The following FOXF2 variants were observed in gnomAD, a reference collection of about 807,000 sequenced individuals.
The protein encoded by FOXF2 is forkhead box protein F2.
FOXF2 carries 15 observed loss-of-function variants against 29.1 expected under a neutral mutation model. The ratio of observed to expected loss-of-function variants is 0.52; its 90% CI spans 0.35 to 0.79. FOXF2 has a LOEUF of 0.79. FOXF2 is among the 30% of genes least tolerant of loss of function. The pLI, the probability that FOXF2 is intolerant of heterozygous loss-of-function variation, is 0.01. For missense variants in FOXF2, 675 were observed against 667.1 expected (o/e 1.01, Z -0.13); for synonymous variants, 337 against 316.5 (o/e 1.06, Z -0.69).
rs771409817 is a variant in FOXF2 at position 1,390,253 on chromosome 6, C to G, written c.306C>G (p.Pro102=). ...GGCTGCGGCGGCCCGAGAAGCCGCCCTACTCGTACATCGCGCTCATCGTCA... is the reference window on the plus strand; with the variant it reads ...GGCTGCGGCGGCCCGAGAAGCCGCCGTACTCGTACATCGCGCTCATCGTCA... The part of the protein sequence containing the change: ...SSGLRRPEKP[P]YSYIALIVMA... Residue 102 remains proline, a synonymous_variant, in exon 1 of 2, where the codon CCC becomes CCG. Coordinates refer to ENST00000645481, the MANE Select transcript of FOXF2 (RefSeq NM_001452.2). This position sits in a 1 kb window ranked among gnomAD's most constrained non-coding sequence, Gnocchi z 8.5. 1 of 1,610,234 alleles carries G rather than the reference C, an allele frequency of 6.2e-7. No homozygotes were observed. Among genetic ancestry groups the G allele is most frequent in the Admixed American group, 1.7e-5 (1 of 59,902 alleles).
chr6:1,390,034 C>CCCGCCGCCCG lies in FOXF2; in HGVS notation c.96_105dup (p.Ala36ArgfsTer131). The CCCGCCGCCCG allele has an allele frequency of 7.4e-7, 1 of 1,353,602 alleles. No homozygotes were observed. The highest frequency in any genetic ancestry group is 9.5e-7 in the Non-Finnish European group (1 of 1,048,414). The allele number at this position is 1,353,602 out of a possible 1,614,324, so 83.8% of individuals were successfully genotyped here. A position where few individuals can be genotyped will look rare whatever the true frequency, so the allele number is the denominator to read the frequency against. Reference sequence around the variant, plus strand: ...GCGCGCTCCAGGCCGCCCTGATGAGCCCGCCGCCCGCCGCCGCCGCCGCCG... The same window carrying CCCGCCGCCCG: ...GCGCGCTCCAGGCCGCCCTGATGAGCCCGCCGCCCGCCGCCGCCCGCCGCCGCCGCCGCCG... On this transcript the variant is annotated frameshift_variant, in exon 1 of 2. Coordinates refer to ENST00000645481, the MANE Select transcript of FOXF2 (RefSeq NM_001452.2). LOFTEE classifies it high-confidence loss of function. The surrounding 1 kb of genome is among the most constrained non-coding windows in gnomAD (Gnocchi z 8.5).
rs1165545306 is a variant in FOXF2 at position 1,394,706 on chromosome 6, C to G, written c.1182C>G (p.Pro394=). The G allele has an allele frequency of 1.9e-6, 3 of 1,614,026 alleles. No homozygotes were observed. In the South Asian group the frequency reaches 3.3e-5, roughly 18 times the overall value. ...TCTTTCTTCTTTCAGTGGGACTGCC[C>G]CGTTACCAGCATCACTCTACTCCAG... The part of the protein sequence containing the change: ...NAREDLSVGL[P]RYQHHSTPVC... Residue 394 remains proline, a synonymous_variant, in exon 2 of 2, where the codon CCC becomes CCG. Coordinates refer to ENST00000645481, the MANE Select transcript of FOXF2 (RefSeq NM_001452.2).
In FOXF2 at chr6:1,390,878, G is replaced by A. The variant is rs1353528957; in HGVS notation, c.931G>A (p.Asp311Asn). Residue 311 changes from aspartate to asparagine, a missense_variant, in exon 1 of 2, where the codon GAC becomes AAC. Asp to Asn is a conservative substitution (Grantham distance 23). Transcript: ENST00000645481. The surrounding 1 kb of genome is among the most constrained non-coding windows in gnomAD (Gnocchi z 8.5). ...CGGCGGCGGCGGCGACTACGGGCCG[G>A]ACAGCAGCAGCAGCCCGGTACCCTC... ...GGGGGGDYGP[D>N]SSSSPVPSSP... The A allele has an allele frequency of 6.5e-7, 1 of 1,526,882 alleles. No homozygotes were observed. The highest frequency in any genetic ancestry group is 8.8e-7 in the Non-Finnish European group (1 of 1,142,664). 94.6% of individuals were successfully genotyped at this position (1,526,882 alleles called of 1,614,324 possible). A position where few individuals can be genotyped will look rare whatever the true frequency, so the allele number is the denominator to read the frequency against.
intron 1 of FOXF2, among the ~76,000 whole-genome samples, chr6:1,393,635 C>T (rs986763893): frequency 4.6e-5 from 7 of 152,058 alleles, no homozygotes; most frequent in Non-Finnish European, 1.0e-4. Context: ...AGAGCAGGGC[C>T]CGAGCCCGGC....
intron 1 of FOXF2, among the ~76,000 whole-genome samples, chr6:1,393,637 G>A (rs866688799): frequency 6.6e-6 from 1 of 152,170 alleles, no homozygotes; most frequent in Non-Finnish European, 1.5e-5. Flanking sequence ...AGCAGGGCCC[G>A]AGCCCGGCGG....
At chr6:1,394,647 A>G in intron 1 of FOXF2, 49 bp from the exon 2 acceptor site, 1 of 1,596,732 alleles carries the variant, frequency 6.3e-7, no homozygotes, top group South Asian at 1.1e-5. Flanking sequence ...CCTGCCATCC[A>G]CTGGATGACT....
In FOXF2 at chr6:1,395,570, AT is replaced by A. The variant is rs5873799; in HGVS notation, c.*719del. ...GTTTGCCAAAATATTTTGTTGTAAAATTTTTTTTCAATAAAATGTATATAAC... is the reference window on the plus strand; with the variant it reads ...GTTTGCCAAAATATTTTGTTGTAAAATTTTTTTCAATAAAATGTATATAAC... On this transcript the variant is annotated 3_prime_UTR_variant, in exon 2 of 2. Coordinates refer to ENST00000645481, the MANE Select transcript of FOXF2 (RefSeq NM_001452.2). 0.77 allele frequency: 116,700 copies of A among 152,412 alleles called. 44,981 individuals are homozygous for A. Among genetic ancestry groups the A allele is most frequent in the East Asian group, 0.99 (5,154 of 5,180 alleles). The allele number at this position is 152,412 out of a possible 1,614,324, so 9.4% of individuals were successfully genotyped here.
Position 1,394,902 on chromosome 6 carries a change from C to G in FOXF2, c.*43C>G, listed in dbSNP as rs766269274. On this transcript the variant is annotated 3_prime_UTR_variant, in exon 2 of 2. Coordinates refer to ENST00000645481, the MANE Select transcript of FOXF2 (RefSeq NM_001452.2). ...GATGGCCGCTCTCTCCTCTCCCCTC[C>G]TCAGAGGGGGCAGATAGAAACTGGG... 3.4e-5 allele frequency: 54 copies of G among 1,589,450 alleles called. No individual in the cohort carries two copies. The highest frequency in any genetic ancestry group is 2.9e-5 in the Non-Finnish European group (34 of 1,157,810).
rs1581261156 is a variant in FOXF2, at chr6:1,390,037, G to C, written c.90G>C (p.Pro30=). The change falls in exon 1 of 2, where the codon CCG becomes CCC. Residue 30 remains proline, a synonymous_variant. Transcript: ENST00000645481. This position sits in a 1 kb window ranked among gnomAD's most constrained non-coding sequence, Gnocchi z 8.5. ...CGCTCCAGGCCGCCCTGATGAGCCC[G>C]CCGCCCGCCGCCGCCGCCGCCGCCG... is the stretch of plus-strand genomic sequence containing the variant. ...PGALQAALMS[P]PPAAAAAAAA... 4 of 1,355,672 alleles carry C rather than the reference G, an allele frequency of 3.0e-6. No individual in the cohort carries two copies. The highest frequency in any genetic ancestry group is 2.9e-6 in the Non-Finnish European group (3 of 1,050,238). The allele number at this position is 1,355,672 out of a possible 1,614,324, so 84.0% of individuals were successfully genotyped here. A position where few individuals can be genotyped will look rare whatever the true frequency, so the allele number is the denominator to read the frequency against.
intron 1 of FOXF2, 101 bp from the exon 2 acceptor site, chr6:1,394,595 G>C: frequency 2.7e-6 from 3 of 1,132,068 alleles, no homozygotes; most frequent in Non-Finnish European, 4.0e-6. Flanking sequence ...TTTACTAAAA[G>C]GCACAGCAGC....
At position 1,395,217 on chromosome 6, in the gene FOXF2, T is replaced by A. The variant is rs780815575; in HGVS notation, c.*358T>A. 21 of 298,100 alleles carry A rather than the reference T, an allele frequency of 7.0e-5. No homozygotes were observed. Among genetic ancestry groups the A allele is most frequent in the Non-Finnish European group, 1.0e-4 (16 of 156,228 alleles). The allele number at this position is 298,100 out of a possible 1,614,324, so 18.5% of individuals were successfully genotyped here. ...AGCAGACAAGTTGTGTGTGTGTGTG[T>A]GTGTCTAAGAAAACTTGTGTGCTTT... On this transcript the variant is annotated 3_prime_UTR_variant, in exon 2 of 2. Coordinates refer to ENST00000645481, the MANE Select transcript of FOXF2 (RefSeq NM_001452.2).
At position 1,390,856 on chromosome 6, in the gene FOXF2, C is replaced by CCGGG; in HGVS notation, c.909_910insCGGG (p.Gly304ArgfsTer103). On this transcript the variant is annotated frameshift_variant, in exon 1 of 2. Transcript: ENST00000645481. LOFTEE classifies it high-confidence loss of function. This position sits in a 1 kb window ranked among gnomAD's most constrained non-coding sequence, Gnocchi z 8.5. ...GGGGCGTCGGTGCGGCCGGGGGCGGCGGCGGCGGCGACTACGGGCCGGACA... is the reference window on the plus strand; with the variant it reads ...GGGGCGTCGGTGCGGCCGGGGGCGGCCGGGGGCGGCGGCGACTACGGGCCGGACA... 6.9e-7 allele frequency: 1 copy of CCGGG among 1,440,272 alleles called. No individual in the cohort carries two copies. The highest frequency in any genetic ancestry group is 9.0e-7 in the Non-Finnish European group (1 of 1,106,652). The allele number at this position is 1,440,272 out of a possible 1,614,324, so 89.2% of individuals were successfully genotyped here. A position where few individuals can be genotyped will look rare whatever the true frequency, so the allele number is the denominator to read the frequency against.
intron 1 of FOXF2, among the ~76,000 whole-genome samples, chr6:1,392,535 A>G (rs1432208986): frequency 6.8e-6 from 1 of 146,642 alleles, no homozygotes; most frequent in East Asian, 2.0e-4. Flanking sequence ...CCAGCCTGCC[A>G]GCTGCCCTCC....
At position 1,395,454 on chromosome 6, in the gene FOXF2, A is replaced by G. The variant is rs1211642843; in HGVS notation, c.*595A>G. Reference sequence around the variant, plus strand: ...TTTTACAAGGTTGTTTTCTACCACCATATTTTAAAGATATTTTTATGACCG... The same window carrying G: ...TTTTACAAGGTTGTTTTCTACCACCGTATTTTAAAGATATTTTTATGACCG... On this transcript the variant is annotated 3_prime_UTR_variant, in exon 2 of 2. Coordinates refer to ENST00000645481, the MANE Select transcript of FOXF2 (RefSeq NM_001452.2). 1.3e-5 allele frequency: 2 copies of G among 154,772 alleles called. No individual in the cohort carries two copies. The highest frequency in any genetic ancestry group is 3.4e-3 in the Middle Eastern group (1 of 294). 9.6% of individuals were successfully genotyped at this position (154,772 alleles called of 1,614,324 possible).
rs1196328719 is a variant in FOXF2, at chr6:1,390,674, T to A, written c.727T>A (p.Tyr243Asn). ...APLGCHSQGG[Y>N]GGLDMMPAGY... The stretch of plus-strand genomic sequence containing the variant: ...GCTCGGCTGCCACAGCCAGGGCGGC[T>A]ACGGCGGCCTCGACATGATGCCCGC... The change falls in exon 1 of 2, where the codon TAC becomes AAC. Residue 243 changes from tyrosine (Y) to asparagine (N), a missense_variant. Coordinates refer to ENST00000645481, the MANE Select transcript of FOXF2 (RefSeq NM_001452.2). The surrounding 1 kb of genome is among the most constrained non-coding windows in gnomAD (Gnocchi z 8.5). 6.5e-7 allele frequency: 1 copy of A among 1,536,538 alleles called. No individual in the cohort carries two copies. Among genetic ancestry groups the A allele is most frequent in the East Asian group, 2.5e-5 (1 of 39,650 alleles).
chr6:1,393,950 A>G (rs910023), intron 1 of FOXF2, among the ~76,000 whole-genome samples: 97,110 of 152,062 alleles, frequency 0.64, 32,378 homozygotes, highest in African/African-American at 0.83. Context: ...AGCAGGGTCC[A>G]GGCCTTCTCT....
In FOXF2 at chr6:1,395,101, G is replaced by A; in HGVS notation, c.*242G>A. ...CTGCAGGCTCCCACATGAGGGAGAGGGCAGACTCAGGTGGGAAGATGTGCC... is the reference window on the plus strand; with the variant it reads ...CTGCAGGCTCCCACATGAGGGAGAGAGCAGACTCAGGTGGGAAGATGTGCC... On this transcript the variant is annotated 3_prime_UTR_variant, in exon 2 of 2. Coordinates refer to ENST00000645481, the MANE Select transcript of FOXF2 (RefSeq NM_001452.2). The A allele has an allele frequency of 1.8e-6, 1 of 558,772 alleles. No homozygotes were observed. Among genetic ancestry groups the A allele is most frequent in the Non-Finnish European group, 3.2e-6 (1 of 310,492 alleles). The allele number at this position is 558,772 out of a possible 1,614,324, so 34.6% of individuals were successfully genotyped here.
At chr6:1,392,880 G>C (rs1054339120) in intron 1 of FOXF2, among the ~76,000 whole-genome samples, 1 of 152,174 alleles carries the variant, frequency 6.6e-6, no homozygotes, top group African/African-American at 2.4e-5. Flanking sequence ...GGGAACGCCC[G>C]GGGGAGACAA....
intron 1 of FOXF2, among the ~76,000 whole-genome samples, chr6:1,393,316 G>C (rs1374684819): frequency 2.0e-5 from 3 of 151,974 alleles, no homozygotes; most frequent in African/African-American, 7.2e-5. Context: ...TCGGGCTTCT[G>C]TCATCCCGCT....
Sources: allele counts gnomAD v4.1 joint callset (sites outside exome capture counted in the v4.1 genomes callset), GRCh38; gene constraint gnomAD v4.1.1; non-coding constraint Gnocchi (gnomAD v3.1); transcripts MANE v1.5; gene names NCBI Gene and HGNC (gene_info 2026-07-23, HGNC 2026-07-21).